ADAM22: variants seen among roughly 807,000 people sequenced by gnomAD.
ADAM22 encodes ADAM metallopeptidase domain 22.
Under a neutral mutation model 144.6 loss-of-function variants are expected in ADAM22, and 65 were observed. The observed-to-expected ratio is 0.45, with a 90% confidence interval of 0.37 to 0.55. The LOEUF is 0.55. ADAM22 is among the 20% of genes least tolerant of loss of function. The pLI is 0.00. For synonymous variants in ADAM22, 391 were observed against 412.6 expected, an observed-to-expected ratio of 0.95 and a Z score of 0.63; for missense variants, 974 against 1,184.9, an observed-to-expected ratio of 0.82 and a Z score of 2.61.
At chr7:88,009,912 T>G (rs1488070152) in intron 3 of ADAM22, among the ~76,000 whole-genome samples, 2 of 152,342 alleles carry the variant, frequency 1.3e-5, no homozygotes, top group South Asian at 2.1e-4. Flanking sequence ...CAGCAGTAAC[T>G]TTACTGTACA....
rs2240467 is a variant in ADAM22 at position 88,181,640 on chromosome 7, T to C, written c.2596+35T>C. ...GGCATTCTGAATCTGTCTGTCCACA[T>C]AATCAAGTTCTATATTCTGTGGCCC... On this transcript the variant is annotated intron_variant, in intron 28 of 31. Coordinates refer to ENST00000413139, the MANE Select transcript of ADAM22 (RefSeq NM_001324418.2). The C allele has an allele frequency of 0.13, 201,740 of 1,558,180 alleles. 18,693 individuals are homozygous for C. Among genetic ancestry groups the C allele is most frequent in the East Asian group, 0.46 (20,424 of 44,462 alleles).
intron 3 of ADAM22, among the ~76,000 whole-genome samples, chr7:88,067,602 C>T (rs999484285): frequency 8.5e-5 from 13 of 152,232 alleles, no homozygotes; most frequent in Non-Finnish European, 1.5e-4. Context: ...GTAGGCCTGA[C>T]GGTGTCTAGG....
intron 3 of ADAM22, among the ~76,000 whole-genome samples, chr7:87,998,841 T>C (rs1232746990): frequency 6.6e-6 from 1 of 152,234 alleles, no homozygotes; most frequent in Non-Finnish European, 1.5e-5. Flanking sequence ...TACATTAGAC[T>C]ATTTATAGTC....
intron 3 of ADAM22, among the ~76,000 whole-genome samples, chr7:88,062,100 C>T (rs1731425163): frequency 6.6e-6 from 1 of 152,100 alleles, no homozygotes; most frequent in Non-Finnish European, 1.5e-5. Flanking sequence ...GCCTTGGTCT[C>T]CTGAAGTGCT....
chr7:87,973,456 G>T (rs1851021671), intron 2 of ADAM22, among the ~76,000 whole-genome samples: 1 of 152,004 alleles, frequency 6.6e-6, no homozygotes, highest in Non-Finnish European at 1.5e-5. Context: ...TGGAGAGGAT[G>T]TGGAGAAATA....
chr7:88,102,033 T>G (rs1383003374), intron 4 of ADAM22, among the ~76,000 whole-genome samples: 3 of 152,166 alleles, frequency 2.0e-5, no homozygotes, highest in Non-Finnish European at 4.4e-5. Context: ...GTGTGGATGA[T>G]CTCTCTCAGT....
chr7:88,091,709 T>G (rs10249513), intron 4 of ADAM22, among the ~76,000 whole-genome samples: 195 of 152,330 alleles, frequency 1.3e-3, no homozygotes, highest in African/African-American at 4.5e-3. Flanking sequence ...GGCACCAGAA[T>G]GTGTGCTATA....
chr7:88,193,271 G>A, intron 31 of ADAM22, 32 bp downstream of exon 31: 1 of 1,606,656 alleles, frequency 6.2e-7, no homozygotes, highest in Non-Finnish European at 8.5e-7. Context: ...GTGCGTACAT[G>A]CTCAGTCATT....
At chr7:88,123,885 G>A (rs1398173424) in intron 7 of ADAM22, among the ~76,000 whole-genome samples, 3 of 151,742 alleles carry the variant, frequency 2.0e-5, no homozygotes, top group African/African-American at 7.3e-5. Flanking sequence ...TAGAAATGTA[G>A]AGCTCAGTAT....
chr7:88,165,983 T>C, intron 24 of ADAM22, 37 bp downstream of exon 24: 2 of 1,478,980 alleles, frequency 1.4e-6, no homozygotes, highest in Non-Finnish European at 1.8e-6. Context: ...GTAGTCTTTA[T>C]ACACAAAGAG....
chr7:88,188,580 T>G (rs1848872239), intron 30 of ADAM22, among the ~76,000 whole-genome samples: 1 of 152,238 alleles, frequency 6.6e-6, no homozygotes, highest in Non-Finnish European at 1.5e-5. Context: ...TTGACATTTT[T>G]TAGTTAATAA....
intron 2 of ADAM22, among the ~76,000 whole-genome samples, chr7:87,959,884 C>A (rs958722444): frequency 6.6e-6 from 1 of 152,172 alleles, no homozygotes; most frequent in Non-Finnish European, 1.5e-5. Flanking sequence ...TTAGAATATA[C>A]AATTCAGTGG....
At chr7:88,060,119 T>C (rs1563128165) in intron 3 of ADAM22, among the ~76,000 whole-genome samples, 1 of 152,270 alleles carries the variant, frequency 6.6e-6, no homozygotes, top group Non-Finnish European at 1.5e-5. Context: ...CTAAAAATGC[T>C]AATGATCATC....
Position 88,196,523 on chromosome 7 carries a change from C to G in ADAM22, c.*32C>G, listed in dbSNP as rs375517773. The G allele has an allele frequency of 5.6e-5, 91 of 1,611,976 alleles. No individual in the cohort carries two copies. Among genetic ancestry groups the G allele is most frequent in the Non-Finnish European group, 7.1e-5 (84 of 1,178,392 alleles). On this transcript the variant is annotated 3_prime_UTR_variant, in exon 32 of 32. Transcript: ENST00000413139. Reference sequence around the variant, plus strand: ...CTGTTTACATGTGATACATCGAAAACTGTTTACTTCAACTTTTATAGAAAC... The same window carrying G: ...CTGTTTACATGTGATACATCGAAAAGTGTTTACTTCAACTTTTATAGAAAC...
chr7:88,001,081 A>T (rs978260098), intron 3 of ADAM22, among the ~76,000 whole-genome samples: 1 of 152,248 alleles, frequency 6.6e-6, no homozygotes, highest in South Asian at 2.1e-4. Context: ...CCAAAAAGTT[A>T]CCTCATACTC....
chr7:88,184,305 G>A (rs762253095), intron 29 of ADAM22: 1 of 416,118 alleles, frequency 2.4e-6, no homozygotes, highest in South Asian at 1.7e-5. Context: ...GGAGCCCCAA[G>A]CACCTGAGCC....
At chr7:87,951,172 T>C (rs1482613071) in intron 2 of ADAM22, among the ~76,000 whole-genome samples, 3 of 150,432 alleles carry the variant, frequency 2.0e-5, no homozygotes, top group Non-Finnish European at 4.4e-5. Flanking sequence ...TTTTGTCTTT[T>C]GTTGCCGTTG....
intron 3 of ADAM22, among the ~76,000 whole-genome samples, chr7:88,046,695 T>G (rs1198917785): frequency 6.6e-6 from 1 of 152,204 alleles, no homozygotes; most frequent in Admixed American, 6.5e-5. Flanking sequence ...GTTTTATAGC[T>G]TCAGGTCTGT....
intron 17 of ADAM22, among the ~76,000 whole-genome samples, chr7:88,147,480 G>C (rs1219331118): frequency 1.3e-5 from 2 of 152,216 alleles, no homozygotes; most frequent in African/African-American, 4.8e-5. Context: ...GCCTTTGAAA[G>C]CAGCCTTTGA....
Sources: gnomAD v4.1 joint callset for allele counts (sites outside exome capture counted in the v4.1 genomes callset) on GRCh38, gnomAD v4.1.1 for gene constraint, MANE v1.5 for transcripts, NCBI Gene and HGNC (gene_info 2026-07-23, HGNC 2026-07-21) for gene names.